ESPNL: variants seen among roughly 807,000 people sequenced by gnomAD.
ESPNL encodes the protein espin-like protein.
In ESPNL, 49 loss-of-function variants were observed where a neutral mutation model predicts 46.8. That is an observed-to-expected ratio of 1.05 (90% confidence interval 0.83 to 1.33). The LOEUF (loss-of-function observed/expected upper bound fraction) is 1.33. Among genes scored for constraint, ESPNL ranks in the 40% most tolerant of loss-of-function variants. The pLI is 0.00. For synonymous variants in ESPNL, 664 were observed against 662.1 expected (o/e 1.00, Z -0.04); for missense variants, 1,540 against 1,436.6 (o/e 1.07, Z -1.16).
At chr2:238,106,545 A>G (rs11685346) in intron 3 of ESPNL, among the ~76,000 whole-genome samples, 21,335 of 152,272 alleles carry the variant, frequency 0.14, 2,794 homozygotes, top group African/African-American at 0.34. Flanking sequence ...CTGCTGGAGC[A>G]GCCTACCCCA....
intron 6 of ESPNL, among the ~76,000 whole-genome samples, chr2:238,125,794 G>C (rs1316200616): frequency 6.6e-6 from 1 of 151,706 alleles, no homozygotes; most frequent in African/African-American, 2.4e-5. Context: ...GGAGTGGAGT[G>C]GAGTGGAGTG....
chr2:238,127,805 G>GCTTCTCTGGGC, intron 7 of ESPNL, 71 bp downstream of exon 7: 1 of 1,169,266 alleles, frequency 8.6e-7, no homozygotes, highest in Non-Finnish European at 1.2e-6. Context: ...CCTCTTAGGG[G>GCTTCTCTGGGC]CCCAGAGAAG....
chr2:238,110,949 CTTTTTTTTTT>C (rs5839686), intron 4 of ESPNL, among the ~76,000 whole-genome samples: 1 of 111,004 alleles, frequency 9.0e-6, no homozygotes, highest in Non-Finnish European at 1.8e-5. Context: ...ATTAGTTATT[CTTTTTTTTTT>C]TTTTTTTTTT....
chr2:238,125,564 G>A (rs1285074292), intron 6 of ESPNL, among the ~76,000 whole-genome samples, 180 bp downstream of exon 6: 1 of 152,246 alleles, frequency 6.6e-6, no homozygotes, highest in African/African-American at 2.4e-5. Context: ...GGAAACATGA[G>A]GATTAGCATT....
chr2:238,126,586 T>A (rs1369362113), intron 6 of ESPNL, among the ~76,000 whole-genome samples: 1 of 127,832 alleles, frequency 7.8e-6, no homozygotes, highest in Non-Finnish European at 1.6e-5. Flanking sequence ...TCTGTGATTG[T>A]GTCTGTGTGT....
intron 2 of ESPNL, among the ~76,000 whole-genome samples, chr2:238,102,780 G>A (rs1422282323): frequency 4.6e-5 from 7 of 152,212 alleles, no homozygotes; most frequent in Non-Finnish European, 1.0e-4. Flanking sequence ...CATAGGAACA[G>A]GCCCTCTGCC....
At position 238,130,900 on chromosome 2, in the gene ESPNL, C is replaced by T; in HGVS notation, c.2186C>T (p.Ala729Val). The change falls in exon 9 of 9, where the codon GCC becomes GTC. Residue 729 changes from alanine (A) to valine (V), a missense_variant. By Grantham distance (64) the Ala-to-Val change is moderately conservative. Coordinates refer to ENST00000343063, the MANE Select transcript of ESPNL (RefSeq NM_194312.4). ...GTGCCATCAGAGGCGGGTGCCGCAG[C>T]CGGCCCAGACCTGGCCAGCCTGCGC... ...EEVPSEAGAA[A>V]GPDLASLRKE... is the part of the protein sequence containing the mutation. 6.5e-7 allele frequency: 1 copy of T among 1,544,982 alleles called. No individual in the cohort carries two copies. Among genetic ancestry groups the T allele is most frequent in the Non-Finnish European group, 8.7e-7 (1 of 1,145,544 alleles).
intron 5 of ESPNL, among the ~76,000 whole-genome samples, chr2:238,119,470 ATGGATGGAGGAGG>A (rs1388918188): frequency 0.091 from 6,933 of 76,574 alleles, 711 homozygotes; most frequent in East Asian, 0.19. Context: ...TGAAGGAGGA[ATGGATGGAGGAGG>A]TGGATGGAGG....
At chr2:238,119,109 A>C (rs1691910615) in intron 5 of ESPNL, among the ~76,000 whole-genome samples, 1 of 90,638 alleles carries the variant, frequency 1.1e-5, no homozygotes, top group African/African-American at 5.1e-5. Flanking sequence ...AAGAGGATGG[A>C]TGGAGGAGAA....
At chr2:238,118,214 AGC>A (rs1691860170) in intron 5 of ESPNL, among the ~76,000 whole-genome samples, 1 of 68,822 alleles carries the variant, frequency 1.5e-5, no homozygotes, top group Non-Finnish European at 2.6e-5. Context: ...GGGCAGATGG[AGC>A]AGCAGATGGA....
At chr2:238,105,158 C>T (rs1216948812) in intron 3 of ESPNL, among the ~76,000 whole-genome samples, 1 of 152,146 alleles carries the variant, frequency 6.6e-6, no homozygotes, top group African/African-American at 2.4e-5. Flanking sequence ...GGCCCGGGTG[C>T]TTTGTCTGCG....
intron 4 of ESPNL, among the ~76,000 whole-genome samples, chr2:238,108,415 G>A (rs1273307687): frequency 1.3e-5 from 2 of 152,178 alleles, no homozygotes; most frequent in Non-Finnish European, 2.9e-5. Flanking sequence ...CGTAGGCAGG[G>A]ATGGTATTCA....
intron 4 of ESPNL, among the ~76,000 whole-genome samples, chr2:238,110,922 G>A (rs778855165): frequency 1.4e-5 from 2 of 145,420 alleles, no homozygotes; most frequent in South Asian, 2.3e-4. Flanking sequence ...AATAGGTTTT[G>A]TGTTTCAGTA....
In ESPNL at chr2:238,104,814, G is replaced by A. The variant is rs772725821; in HGVS notation, c.644G>A (p.Arg215His). Residue 215 changes from arginine to histidine, a missense_variant, in exon 3 of 9, where the codon CGT becomes CAT. Arg to His is a conservative substitution (Grantham distance 29, BLOSUM62 0). Coordinates refer to ENST00000343063, the MANE Select transcript of ESPNL (RefSeq NM_194312.4). ...AGCGCCCTGCACGCTGCCGCCGCCCGTGGCCACTACTCCCTCGTCGTCTGG... is the reference window on the plus strand; with the variant it reads ...AGCGCCCTGCACGCTGCCGCCGCCCATGGCCACTACTCCCTCGTCGTCTGG... The part of the protein sequence containing the change: ...GMSALHAAAA[R>H]GHYSLVVWLV... 27 of 1,549,336 alleles carry A rather than the reference G, an allele frequency of 1.7e-5. No homozygotes were observed. The highest frequency in any genetic ancestry group is 2.4e-5 in the East Asian group (1 of 41,322).
chr2:238,129,617 A>C lies in ESPNL; in HGVS notation c.1414-511A>C, dbSNP rs555279806. Among the ~76,000 whole-genome samples, 265 of 152,360 alleles carry C rather than the reference A, an allele frequency of 1.7e-3. 1 individual carries two copies. Among genetic ancestry groups the C allele is most frequent in the African/African-American group, 6.1e-3 (252 of 41,580 alleles). The stretch of plus-strand genomic sequence containing the variant: ...TAACAGGCTCCCCGGGCTGCTGTGC[A>C]GACAGGAGTTCAGGAATTATGTCCT... On this transcript the variant is annotated intron_variant, in intron 8 of 8. Coordinates refer to ENST00000343063, the MANE Select transcript of ESPNL (RefSeq NM_194312.4).
In ESPNL at chr2:238,128,911, C is replaced by T. The variant is rs768607011; in HGVS notation, c.1413+7C>T. ...GAGCTCCGCAGAGGCCCAGGTAGGC[C>T]CCCGGCAGGGGCGGGACCAGTGGGC... On this transcript the variant is annotated splice_region_variant and intron_variant, in intron 8 of 8. Transcript: ENST00000343063. 4 of 1,535,046 alleles carry T rather than the reference C, an allele frequency of 2.6e-6. No homozygotes were observed. The South Asian group carries it at 3.6e-5, about 14-fold the overall frequency.
rs189042371 is a variant in ESPNL, at chr2:238,106,583, C to T, written c.673-1208C>T. 3.3e-5 allele frequency among the ~76,000 whole-genome samples: 5 copies of T among 152,372 alleles called. No homozygotes were observed. In the East Asian group the frequency reaches 5.8e-4, roughly 18 times the overall value. On this transcript the variant is annotated intron_variant, in intron 3 of 8. Coordinates refer to ENST00000343063, the MANE Select transcript of ESPNL (RefSeq NM_194312.4). The stretch of plus-strand genomic sequence containing the variant: ...GGAAGCTCTCTGGACCTGGGTCCCA[C>T]CCTGGCCATCCTCCCTTTGCCCCTC...
intron 3 of ESPNL, among the ~76,000 whole-genome samples, chr2:238,105,606 G>T (rs1456215441): frequency 6.6e-6 from 1 of 152,050 alleles, no homozygotes; most frequent in Non-Finnish European, 1.5e-5. Context: ...GCCGGACAAG[G>T]AGTGGGGCCC....
At chr2:238,120,067 T>C (rs969541330) in intron 5 of ESPNL, among the ~76,000 whole-genome samples, 1 of 146,402 alleles carries the variant, frequency 6.8e-6, no homozygotes, top group Non-Finnish European at 1.5e-5. Flanking sequence ...TCAGTCACTG[T>C]TGGAAGTCAC....
Sources: gnomAD v4.1 joint callset for allele counts (sites outside exome capture counted in the v4.1 genomes callset) on GRCh38, gnomAD v4.1.1 for gene constraint, MANE v1.5 for transcripts, NCBI Gene and HGNC (gene_info 2026-07-23, HGNC 2026-07-21) for gene names.